The following TRIM44 variants were observed in gnomAD, a reference collection of about 807,000 sequenced individuals.
TRIM44 encodes the protein tripartite motif containing 44, also known as tripartite motif-containing protein 44.
A neutral mutation model predicts 37.4 loss-of-function variants in TRIM44; 13 were observed. That is an observed-to-expected ratio of 0.35 (90% confidence interval 0.23 to 0.55). The LOEUF (loss-of-function observed/expected upper bound fraction) is 0.55, where lower values mean the gene tolerates loss of function less well. Among genes scored for constraint, TRIM44 ranks in the 20% least tolerant of loss-of-function variants. The pLI, the probability that TRIM44 is intolerant of heterozygous loss-of-function variation, is 0.89. For synonymous variants in TRIM44, 175 were observed against 157.2 expected, an observed-to-expected ratio of 1.11 and a Z score of -0.85; for missense variants, 426 against 437.2, an observed-to-expected ratio of 0.97 and a Z score of 0.23.
intron 4 of TRIM44, among the ~76,000 whole-genome samples, chr11:35,751,235 A>G (rs771403064): frequency 6.6e-6 from 1 of 152,212 alleles, no homozygotes; most frequent in African/African-American, 2.4e-5. Flanking sequence ...CAATCCTTCT[A>G]TGTCTTGATA....
intron 4 of TRIM44, among the ~76,000 whole-genome samples, chr11:35,789,742 C>A (rs1853179139): frequency 6.6e-6 from 1 of 152,202 alleles, no homozygotes; most frequent in South Asian, 2.1e-4. Flanking sequence ...GAGGCATATT[C>A]CCCTGGTGCT....
intron 4 of TRIM44, among the ~76,000 whole-genome samples, chr11:35,758,194 G>C (rs1258846616): frequency 1.3e-5 from 2 of 152,176 alleles, no homozygotes; most frequent in Non-Finnish European, 2.9e-5. Flanking sequence ...TGTATTGGGT[G>C]CACGTATATT....
At chr11:35,685,214 G>GC (rs1851560402) in intron 1 of TRIM44, 45 bp from the exon 2 acceptor site, 1 of 1,512,534 alleles carries the variant, frequency 6.6e-7, no homozygotes, top group Non-Finnish European at 9.1e-7. Flanking sequence ...GTTTGAGAGA[G>GC]CAACAAAATG....
At chr11:35,668,199 A>G (rs1304047067) in intron 1 of TRIM44, among the ~76,000 whole-genome samples, 1 of 151,308 alleles carries the variant, frequency 6.6e-6, no homozygotes, top group East Asian at 1.9e-4. Context: ...CCAACATTTT[A>G]TTATTTTTAG....
chr11:35,717,358 G>A (rs1394153094), intron 2 of TRIM44, among the ~76,000 whole-genome samples: 2 of 151,756 alleles, frequency 1.3e-5, no homozygotes, highest in Non-Finnish European at 2.9e-5. Context: ...TTTGTGGTGG[G>A]GGAAAAAAGG....
At chr11:35,685,185 C>G in intron 1 of TRIM44, 74 bp from the exon 2 acceptor site, 1 of 1,286,628 alleles carries the variant, frequency 7.8e-7, no homozygotes, top group Non-Finnish European at 1.1e-6. Context: ...ATTTCATTGT[C>G]TTCCAAAATG....
intron 1 of TRIM44, among the ~76,000 whole-genome samples, chr11:35,664,806 A>G (rs1370450340): frequency 6.6e-6 from 1 of 152,228 alleles, no homozygotes; most frequent in East Asian, 1.9e-4. Flanking sequence ...ATAGAACATT[A>G]CTAGCAATAT....
At chr11:35,707,545 G>A (rs1380006574) in intron 2 of TRIM44, among the ~76,000 whole-genome samples, 2 of 151,774 alleles carry the variant, frequency 1.3e-5, no homozygotes, top group African/African-American at 4.8e-5. Context: ...AAACAGCATG[G>A]TACTGGTACC....
At chr11:35,671,169 C>G (rs943823734) in intron 1 of TRIM44, among the ~76,000 whole-genome samples, 1 of 152,116 alleles carries the variant, frequency 6.6e-6, no homozygotes, top group African/African-American at 2.4e-5. Context: ...TCTGTCAGAG[C>G]TTACATTCTG....
chr11:35,737,751 G>T (rs1186946864), intron 4 of TRIM44, among the ~76,000 whole-genome samples: 1 of 151,942 alleles, frequency 6.6e-6, no homozygotes, highest in African/African-American at 2.4e-5. Flanking sequence ...CAGGAGAATT[G>T]CCTGAACCTG....
At chr11:35,733,599 C>A (rs954143655) in intron 3 of TRIM44, among the ~76,000 whole-genome samples, 6 of 152,154 alleles carry the variant, frequency 3.9e-5, no homozygotes, top group Non-Finnish European at 5.9e-5. Flanking sequence ...ATGATTAACG[C>A]CCTTCCCACT....
intron 2 of TRIM44, among the ~76,000 whole-genome samples, chr11:35,699,455 A>G (rs1282355173): frequency 6.6e-6 from 1 of 152,110 alleles, no homozygotes; most frequent in African/African-American, 2.4e-5. Context: ...ACGTATCTCA[A>G]AATAATAAGA....
At chr11:35,686,234 C>T (rs1460904279) in intron 2 of TRIM44, among the ~76,000 whole-genome samples, 1 of 152,098 alleles carries the variant, frequency 6.6e-6, no homozygotes, top group Non-Finnish European at 1.5e-5. Flanking sequence ...ACTTCCTTCT[C>T]CTTCCTACCC....
chr11:35,699,228 A>G (rs1423451940), intron 2 of TRIM44, among the ~76,000 whole-genome samples: 3 of 152,130 alleles, frequency 2.0e-5, no homozygotes, highest in East Asian at 3.8e-4. Flanking sequence ...TGATGCCTCC[A>G]GCTTTGTTCT....
chr11:35,685,767 C>T (rs1590504949), intron 2 of TRIM44, among the ~76,000 whole-genome samples: 1 of 152,142 alleles, frequency 6.6e-6, no homozygotes, highest in East Asian at 1.9e-4. Flanking sequence ...GGGTCCAAGC[C>T]ATTCTCCTGC....
intron 1 of TRIM44, 115 bp from the exon 2 acceptor site, chr11:35,685,144 T>C: frequency 1.3e-6 from 1 of 755,650 alleles, no homozygotes; most frequent in South Asian, 1.7e-5. Context: ...GTTGTTTAGC[T>C]CTCTTGGCTG....
intron 4 of TRIM44, among the ~76,000 whole-genome samples, chr11:35,774,042 G>A (rs1031258407): frequency 3.9e-5 from 6 of 152,128 alleles, no homozygotes; most frequent in Non-Finnish European, 8.8e-5. Flanking sequence ...TTGAGGAATC[G>A]CCAAACTGTC....
intron 1 of TRIM44, among the ~76,000 whole-genome samples, chr11:35,682,709 C>A (rs535576747): frequency 2.0e-5 from 3 of 152,180 alleles, no homozygotes; most frequent in Admixed American, 2.0e-4. Context: ...CCTGGTTAGG[C>A]GATGCTGCTG....
chr11:35,780,266 A>G (rs1312303814), intron 4 of TRIM44, among the ~76,000 whole-genome samples: 2 of 152,198 alleles, frequency 1.3e-5, no homozygotes, highest in Non-Finnish European at 2.9e-5. Flanking sequence ...GTGGGATAAC[A>G]TCAGCCCCAG....
Sources: allele counts gnomAD v4.1 joint callset (sites outside exome capture counted in the v4.1 genomes callset), GRCh38; gene constraint gnomAD v4.1.1; transcripts MANE v1.5; gene names NCBI Gene and HGNC (gene_info 2026-07-23, HGNC 2026-07-21).